Variants in CCDC122 observed in about 807,000 individuals in gnomAD.
CCDC122 encodes the protein coiled-coil domain-containing protein 122.
A neutral mutation model predicts 37.0 loss-of-function variants in CCDC122; 38 were observed. The observed-to-expected ratio is 1.03, with a 90% CI of 0.79 to 1.35. The LOEUF is 1.35. CCDC122 is among the 40% of genes most tolerant of loss of function. The pLI, the probability that CCDC122 is intolerant of heterozygous loss-of-function variation, is 0.00. For synonymous variants in CCDC122, 83 were observed against 95.6 expected (o/e 0.87, Z 0.77); for missense variants, 305 against 310.0 (o/e 0.98, Z 0.12).
Position 43,837,320 on chromosome 13 carries a change from GT to G in CCDC122, c.781del (p.Thr261LeufsTer5), listed in dbSNP as rs747448223. 3.7e-6 allele frequency: 6 copies of G among 1,613,966 alleles called. No individual in the cohort carries two copies. The highest frequency in any genetic ancestry group is 5.1e-6 in the Non-Finnish European group (6 of 1,179,972). On this transcript the variant is annotated frameshift_variant, in exon 7 of 7. Transcript: ENST00000444614. LOFTEE classifies it high-confidence loss of function. ...WQWNIQQLEK[T>X]AAELRKCIGM... is the part of the protein sequence containing the mutation. ...AATGCATTTTCTTAATTCGGCTGCA[GT>G]TTTTTCCAATTGTTGAATGTTCCAT... is the stretch of plus-strand genomic sequence containing the variant.
chr13:43,853,432 A>C (rs942027409), intron 6 of CCDC122, among the ~76,000 whole-genome samples: 1 of 152,224 alleles, frequency 6.6e-6, no homozygotes, highest in African/African-American at 2.4e-5. Flanking sequence ...ATTTAACAAT[A>C]AGACCTAACT....
At chr13:43,853,403 C>T (rs1953808306) in intron 6 of CCDC122, among the ~76,000 whole-genome samples, 1 of 152,172 alleles carries the variant, frequency 6.6e-6, no homozygotes, top group Non-Finnish European at 1.5e-5. Flanking sequence ...AAGGGCATTA[C>T]ATAATGGTAA....
chr13:43,858,095 TTTTATC>T (rs750558965), intron 6 of CCDC122: 13 of 152,192 alleles, frequency 8.5e-5, no homozygotes, highest in Admixed American at 2.0e-4. Flanking sequence ...AGATGAGGAT[TTTTATC>T]TTTAATTTCC....
intron 6 of CCDC122, among the ~76,000 whole-genome samples, chr13:43,857,365 ATGGAG>A (rs1318971154): frequency 2.0e-5 from 3 of 151,952 alleles, no homozygotes; most frequent in African/African-American, 7.3e-5. Context: ...CACAGAATTT[ATGGAG>A]TGTTTTTCTC....
At chr13:43,862,490 C>T (rs1954138824) in intron 4 of CCDC122, among the ~76,000 whole-genome samples, 1 of 152,126 alleles carries the variant, frequency 6.6e-6, no homozygotes, top group African/African-American at 2.4e-5. Context: ...ACACATTACC[C>T]CATTGTATTT....
At chr13:43,861,059 G>GAT (rs1954087795) in intron 4 of CCDC122, among the ~76,000 whole-genome samples, 1 of 152,182 alleles carries the variant, frequency 6.6e-6, no homozygotes. Context: ...TTGGCTAGGT[G>GAT]GTTCTGCTGA....
At chr13:43,866,643 T>C (rs954032870) in intron 4 of CCDC122, among the ~76,000 whole-genome samples, 1 of 152,238 alleles carries the variant, frequency 6.6e-6, no homozygotes, top group Non-Finnish European at 1.5e-5. Flanking sequence ...ACTGGTCTTG[T>C]AAACCTTTTG....
chr13:43,833,974 T>C (rs138840505), downstream of CCDC122, among the ~76,000 whole-genome samples: 3 of 152,344 alleles, frequency 2.0e-5, no homozygotes, highest in East Asian at 5.8e-4. Context: ...TTCAATTTTC[T>C]AATATTAGAG....
chr13:43,847,256 C>T (rs989024018), intron 6 of CCDC122, among the ~76,000 whole-genome samples: 3 of 152,134 alleles, frequency 2.0e-5, no homozygotes, highest in Admixed American at 6.5e-5. Context: ...ACATAATATT[C>T]TTCCACCCAC....
chr13:43,864,163 A>C (rs1954200497), intron 4 of CCDC122, among the ~76,000 whole-genome samples: 1 of 152,136 alleles, frequency 6.6e-6, no homozygotes, highest in Non-Finnish European at 1.5e-5. Context: ...GTGTGGGGCT[A>C]TTTCTGGGCA....
At chr13:43,863,265 T>C (rs1299603443) in intron 4 of CCDC122, among the ~76,000 whole-genome samples, 1 of 152,162 alleles carries the variant, frequency 6.6e-6, no homozygotes, top group Non-Finnish European at 1.5e-5. Flanking sequence ...TTTATATAAA[T>C]AGAATCATTT....
chr13:43,823,943 T>G (rs1026336121), exon 4 of CCDC122: 1 of 152,264 alleles, frequency 6.6e-6, no homozygotes, highest in Non-Finnish European at 1.5e-5. Context: ...CTCTTGAGTA[T>G]AGTTAGAATT....
intron 6 of CCDC122, among the ~76,000 whole-genome samples, chr13:43,847,465 G>A (rs1953581617): frequency 6.6e-6 from 1 of 152,186 alleles, no homozygotes; most frequent in Non-Finnish European, 1.5e-5. Flanking sequence ...TGGGAAAATA[G>A]AGTCCAACAG....
chr13:43,860,228 CACA>C (rs1954063021), intron 4 of CCDC122, among the ~76,000 whole-genome samples, 158 bp from the exon 5 acceptor site: 1 of 125,362 alleles, frequency 8.0e-6, no homozygotes, highest in African/African-American at 2.5e-5. Context: ...ATGCAATAAA[CACA>C]ATTATTTTAT....
At chr13:43,831,653 G>A (rs1418942398), downstream of CCDC122, among the ~76,000 whole-genome samples, 6 of 152,204 alleles carry the variant, frequency 3.9e-5, no homozygotes, top group Non-Finnish European at 8.8e-5. Flanking sequence ...ATGTGAGTGA[G>A]TAATGCTGGC....
chr13:43,856,741 T>C (rs1953923661), intron 6 of CCDC122: 1 of 152,248 alleles, frequency 6.6e-6, no homozygotes, highest in African/African-American at 2.4e-5. Context: ...GTGAATTTTA[T>C]CTTAGTAAAG....
chr13:43,843,175 A>T (rs1953413304), intron 6 of CCDC122, among the ~76,000 whole-genome samples: 1 of 151,960 alleles, frequency 6.6e-6, no homozygotes, highest in South Asian at 2.1e-4. Context: ...TTTTATAATA[A>T]ATTCCCTTTA....
At chr13:43,822,135 G>A (rs551855358), downstream of CCDC122, among the ~76,000 whole-genome samples, 13 of 152,200 alleles carry the variant, frequency 8.5e-5, no homozygotes, top group Admixed American at 3.3e-4. Flanking sequence ...CTCCTTCTTG[G>A]GAAGGCTTTC....
chr13:43,864,660 C>T (rs1036951501), intron 4 of CCDC122, among the ~76,000 whole-genome samples: 16 of 152,156 alleles, frequency 1.1e-4, no homozygotes, highest in Admixed American at 7.2e-4. Flanking sequence ...GCCTCCATGA[C>T]CCAAACACCT....
Sources: allele counts gnomAD v4.1 joint callset (sites outside exome capture counted in the v4.1 genomes callset), GRCh38; gene constraint gnomAD v4.1.1; transcripts MANE v1.5; gene names NCBI Gene and HGNC (gene_info 2026-07-23, HGNC 2026-07-21).